Variants in HEG1 observed in about 807,000 individuals in gnomAD.
HEG1 encodes the protein protein HEG homolog 1.
A neutral mutation model predicts 125.6 loss-of-function variants in HEG1; 56 were observed. That is an observed-to-expected ratio of 0.45 (90% CI 0.36 to 0.56). The LOEUF is 0.56. Ranked by LOEUF, HEG1 falls within the 20% of genes least tolerant of loss-of-function variation. HEG1 has a pLI of 0.00. For synonymous variants in HEG1, 644 were observed against 668.5 expected, an observed-to-expected ratio of 0.96 and a Z score of 0.57; for missense variants, 1,523 against 1,670.0, an observed-to-expected ratio of 0.91 and a Z score of 1.53.
At chr3:125,047,869 T>A (rs1266551723) in intron 1 of HEG1, among the ~76,000 whole-genome samples, 2 of 152,120 alleles carry the variant, frequency 1.3e-5, no homozygotes, top group African/African-American at 4.8e-5. Context: ...CAGGGCCACC[T>A]GAAGAGCTTC....
At chr3:125,017,269 G>A (rs990919229) in intron 5 of HEG1, among the ~76,000 whole-genome samples, 1 of 152,140 alleles carries the variant, frequency 6.6e-6, no homozygotes, top group Non-Finnish European at 1.5e-5. Flanking sequence ...TGGCCGGGCT[G>A]GTCTTGAACT....
chr3:125,051,228 T>A (rs544545956), intron 1 of HEG1, among the ~76,000 whole-genome samples: 79 of 152,302 alleles, frequency 5.2e-4, no homozygotes, highest in African/African-American at 1.9e-3. Context: ...TTTTAAAAAA[T>A]TTTTACTCAA....
chr3:124,983,460 A>G (rs866226735), intron 14 of HEG1, among the ~76,000 whole-genome samples: 115 of 150,662 alleles, frequency 7.6e-4, no homozygotes, highest in African/African-American at 2.7e-3. Context: ...TCAGTTTCCC[A>G]AGCAGCTGGG....
At chr3:125,030,794 G>T (rs779008703) in intron 1 of HEG1, among the ~76,000 whole-genome samples, 1 of 151,982 alleles carries the variant, frequency 6.6e-6, no homozygotes, top group Non-Finnish European at 1.5e-5. Flanking sequence ...TGCCCAAGTC[G>T]CACAGTCAAA....
intron 5 of HEG1, among the ~76,000 whole-genome samples, chr3:125,015,417 C>T (rs541078243): frequency 6.6e-6 from 1 of 152,318 alleles, no homozygotes; most frequent in African/African-American, 2.4e-5. Context: ...CATAGTCCTC[C>T]TTGGAAGGCT....
rs1936317442 is a variant in HEG1, at chr3:124,966,560, CT to C, written c.*4091del. 6.6e-6 allele frequency: 1 copy of C among 152,090 alleles called. No homozygotes were observed. The highest frequency in any genetic ancestry group is 2.4e-5 in the African/African-American group (1 of 41,404). The allele number at this position is 152,090 out of a possible 1,614,324, so 9.4% of individuals were successfully genotyped here. Reference sequence around the variant, plus strand: ...TGTTAAGGGAGGAAATGAAATGTCCCTTCTCATCCACACAAAAGCTTTCAGA... The same window carrying C: ...TGTTAAGGGAGGAAATGAAATGTCCCTCTCATCCACACAAAAGCTTTCAGA... On this transcript the variant is annotated 3_prime_UTR_variant, in exon 17 of 17. Coordinates refer to ENST00000311127, the MANE Select transcript of HEG1 (RefSeq NM_020733.2).
In HEG1 at chr3:124,970,588, CGGTCCTCTGAGCAGA is replaced by C. The variant is rs1158220787; in HGVS notation, c.*49_*63del. 7.0e-7 allele frequency: 1 copy of C among 1,433,412 alleles called. No individual in the cohort carries two copies. The highest frequency in any genetic ancestry group is 9.5e-7 in the Non-Finnish European group (1 of 1,047,954). 88.8% of individuals were successfully genotyped at this position (1,433,412 alleles called of 1,614,324 possible). ...AAATCCTGGGCGCAGCCTCCTGGTG[CGGTCCTCTGAGCAGA>C]GGTCCCAGGTGACTGGCTCAGAGCA... On this transcript the variant is annotated 3_prime_UTR_variant, in exon 17 of 17. Transcript: ENST00000311127.
intron 12 of HEG1, among the ~76,000 whole-genome samples, chr3:124,991,310 C>T (rs1044898763): frequency 6.6e-6 from 1 of 151,436 alleles, no homozygotes; most frequent in African/African-American, 2.4e-5. Flanking sequence ...CCACCATGCC[C>T]AGCAAATTTT....
chr3:125,032,620 G>A (rs546050912), intron 1 of HEG1, among the ~76,000 whole-genome samples: 2 of 152,248 alleles, frequency 1.3e-5, no homozygotes, highest in Non-Finnish European at 2.9e-5. Flanking sequence ...TGGGAGCTGC[G>A]AAGGCAAGCT....
Position 124,966,832 on chromosome 3 carries a change from AAC to A in HEG1, c.*3818_*3819del, listed in dbSNP as rs1352408886. ...ACACCCGGGCATCTCACCAGGGGGC[AAC>A]ACAGTTTCATGCAGGCACCAAAAAG... On this transcript the variant is annotated 3_prime_UTR_variant, in exon 17 of 17. Coordinates refer to ENST00000311127, the MANE Select transcript of HEG1 (RefSeq NM_020733.2). 2.6e-5 allele frequency: 4 copies of A among 152,240 alleles called. No individual in the cohort carries two copies. Among genetic ancestry groups the A allele is most frequent in the African/African-American group, 9.6e-5 (4 of 41,456 alleles). 9.4% of individuals were successfully genotyped at this position (152,240 alleles called of 1,614,324 possible). A position where few individuals can be genotyped will look rare whatever the true frequency, so the allele number is the denominator to read the frequency against.
chr3:125,031,693 ACC>A (rs1428624824), intron 1 of HEG1, among the ~76,000 whole-genome samples: 1 of 109,506 alleles, frequency 9.1e-6, no homozygotes, highest in African/African-American at 3.1e-5. Flanking sequence ...ACACACACAC[ACC>A]CACATATACC....
intron 14 of HEG1, among the ~76,000 whole-genome samples, chr3:124,984,003 A>C (rs1936696639): frequency 6.6e-6 from 1 of 152,126 alleles, no homozygotes; most frequent in Admixed American, 6.5e-5. Flanking sequence ...GGTAATATTA[A>C]TAGATTCTCC....
Position 125,013,167 on chromosome 3 carries a change from C to A in HEG1, c.2412G>T (p.Glu804Asp), listed in dbSNP as rs1436491408. The change falls in exon 6 of 17, where the codon GAG becomes GAT. Residue 804 changes from glutamate to aspartate, a missense_variant. Physicochemically the swap from Glu to Asp is conservative, Grantham distance 45. Transcript: ENST00000311127. The stretch of plus-strand genomic sequence containing the variant: ...AGTTTGTTGTTACAGCTTTGGTGGA[C>A]TCTGTGGGCAGAGACACCAGGCTTG... ...KSPSLVSLPT[E>D]STKAVTTNSP... 1 of 1,613,992 alleles carries A rather than the reference C, an allele frequency of 6.2e-7. No homozygotes were observed. The highest frequency in any genetic ancestry group is 1.7e-5 in the Admixed American group (1 of 60,022).
At chr3:124,978,140 T>C (rs576982617) in intron 14 of HEG1, among the ~76,000 whole-genome samples, 194 bp from the exon 15 acceptor site, 1 of 151,596 alleles carries the variant, frequency 6.6e-6, no homozygotes, top group African/African-American at 2.4e-5. Flanking sequence ...AAGAGTTTTT[T>C]GTTGTTGTTG....
intron 1 of HEG1, among the ~76,000 whole-genome samples, chr3:125,033,805 C>T (rs887075096): frequency 2.0e-5 from 3 of 152,198 alleles, no homozygotes; most frequent in South Asian, 4.1e-4. Flanking sequence ...GCCTCAGCTC[C>T]GCCTCCTGAC....
chr3:124,974,827 G>A (rs1427217119), intron 15 of HEG1, among the ~76,000 whole-genome samples: 1 of 152,230 alleles, frequency 6.6e-6, no homozygotes, highest in African/African-American at 2.4e-5. Flanking sequence ...ATGTGGCTTA[G>A]GTGCTGGCTC....
Position 125,029,583 on chromosome 3 carries a change from G to T in HEG1, c.317-95C>A, listed in dbSNP as rs572146526. The T allele has an allele frequency of 1.6e-5, 20 of 1,240,784 alleles. No individual in the cohort carries two copies. In the South Asian group the frequency reaches 2.5e-4, roughly 15 times the overall value. The allele number at this position is 1,240,784 out of a possible 1,614,324, so 76.9% of individuals were successfully genotyped here. Reference sequence around the variant, plus strand: ...AGACACCGTGAAATACATCAGTAGAGAGTGAATTCAAGTAAAAGAATTTTG... The same window carrying T: ...AGACACCGTGAAATACATCAGTAGATAGTGAATTCAAGTAAAAGAATTTTG... On this transcript the variant is annotated intron_variant, in intron 1 of 16. Coordinates refer to ENST00000311127, the MANE Select transcript of HEG1 (RefSeq NM_020733.2).
rs757919559 is a variant in HEG1 at position 124,973,752 on chromosome 3, C to T, written c.3975G>A (p.Gln1325=). The T allele has an allele frequency of 7.4e-6, 12 of 1,613,862 alleles. No homozygotes were observed. The East Asian group carries it at 2.7e-4, about 36-fold the overall frequency. Residue 1325 remains glutamine, a synonymous_variant, in exon 16 of 17, where the codon CAG becomes CAA. Transcript: ENST00000311127. ...HENGSTKNLL[Q]MTDVYYSPTS... is the part of the protein sequence containing the mutation. ...ACACCGAGTAGTACACATCCGTCATCTGGAGGAGGTTTTTGGTACTTCCAT... is the reference window on the plus strand; with the variant it reads ...ACACCGAGTAGTACACATCCGTCATTTGGAGGAGGTTTTTGGTACTTCCAT...
At chr3:125,051,490 C>T (rs990818591) in intron 1 of HEG1, among the ~76,000 whole-genome samples, 3 of 152,214 alleles carry the variant, frequency 2.0e-5, no homozygotes, top group African/African-American at 4.8e-5. Context: ...CTCCATTTAC[C>T]GTGTGATCTA....
Sources: gnomAD v4.1 joint callset for allele counts (sites outside exome capture counted in the v4.1 genomes callset) on GRCh38, gnomAD v4.1.1 for gene constraint, MANE v1.5 for transcripts, NCBI Gene and HGNC (gene_info 2026-07-23, HGNC 2026-07-21) for gene names.